The following F13A1 variants were observed in gnomAD, a reference collection of about 807,000 sequenced individuals.
F13A1 encodes FSF, A subunit.
A neutral mutation model predicts 80.1 loss-of-function variants in F13A1; 47 were observed. The ratio of observed to expected loss-of-function variants is 0.59; its 90% confidence interval spans 0.46 to 0.75. The LOEUF (loss-of-function observed/expected upper bound fraction) is 0.75. F13A1 is among the 30% of genes least tolerant of loss of function. The probability of loss-of-function intolerance (pLI) is 0.00; values close to 1 mark genes in which losing one functional copy is unlikely to be tolerated. For missense variants in F13A1, 817 were observed against 930.4 expected, an observed-to-expected ratio of 0.88 and a Z score of 1.59; for synonymous variants, 349 against 344.9, an observed-to-expected ratio of 1.01 and a Z score of -0.13.
At chr6:6,284,862 A>G (rs1000071329) in intron 3 of F13A1, among the ~76,000 whole-genome samples, 3 of 152,120 alleles carry the variant, frequency 2.0e-5, no homozygotes, top group African/African-American at 7.2e-5. Context: ...CTTCAACTCT[A>G]GCTGATCCTC....
chr6:6,198,751 T>C (rs1287719500), intron 8 of F13A1, among the ~76,000 whole-genome samples: 1 of 152,210 alleles, frequency 6.6e-6, no homozygotes, highest in African/African-American at 2.4e-5. Context: ...AGCTAATACA[T>C]GTATTTCGAA....
At chr6:6,184,114 C>T (rs1290011827) in intron 10 of F13A1, among the ~76,000 whole-genome samples, 1 of 152,166 alleles carries the variant, frequency 6.6e-6, no homozygotes, top group Admixed American at 6.5e-5. Flanking sequence ...TGTTGCATAC[C>T]TACAATGTTT....
Position 6,195,844 on chromosome 6 carries a change from G to A in F13A1, c.1258C>T (p.His420Tyr). ...CGPASVQAIK[H>Y]GHVCFQFDAP... ...TCAAATTGGAAGCAGACATGGCCGT[G>A]CTTGATGGCTTGAACCGAGGCGGGG... The change falls in exon 10 of 15, where the codon CAC (histidine) becomes TAC (tyrosine). Residue 420 changes from histidine (H) to tyrosine (Y), a missense_variant. Physicochemically the swap from His to Tyr is moderately conservative, Grantham distance 83. Coordinates refer to ENST00000264870, the MANE Select transcript of F13A1 (RefSeq NM_000129.4). 1 of 1,614,192 alleles carries A rather than the reference G, an allele frequency of 6.2e-7. No individual in the cohort carries two copies. The highest frequency in any genetic ancestry group is 8.5e-7 in the Non-Finnish European group (1 of 1,180,030).
At chr6:6,229,244 T>C (rs912766861) in intron 6 of F13A1, among the ~76,000 whole-genome samples, 1 of 152,096 alleles carries the variant, frequency 6.6e-6, no homozygotes, top group Non-Finnish European at 1.5e-5. Flanking sequence ...GGAGAGATCA[T>C]GAAAAAATAT....
At chr6:6,275,294 C>G (rs768689073) in intron 3 of F13A1, among the ~76,000 whole-genome samples, 2 of 151,820 alleles carry the variant, frequency 1.3e-5, no homozygotes, top group Non-Finnish European at 2.9e-5. Context: ...CATAGGCGAC[C>G]CCAGGTTTTG....
At chr6:6,150,149 C>T (rs3778359) in intron 14 of F13A1, among the ~76,000 whole-genome samples, 30,372 of 152,046 alleles carry the variant, frequency 0.2, 3,732 homozygotes, top group African/African-American at 0.35. Flanking sequence ...TCAGATAAAG[C>T]TTGTGGGTTT....
chr6:6,179,118 C>A (rs1216392512), intron 11 of F13A1, among the ~76,000 whole-genome samples: 1 of 152,050 alleles, frequency 6.6e-6, no homozygotes, highest in East Asian at 1.9e-4. Flanking sequence ...TGCTTAAATG[C>A]TGATTGGAAG....
chr6:6,227,501 A>G (rs1757293545), intron 6 of F13A1, among the ~76,000 whole-genome samples: 1 of 152,236 alleles, frequency 6.6e-6, no homozygotes, highest in South Asian at 2.1e-4. Flanking sequence ...TGGCTATATT[A>G]AAGATCAGTA....
chr6:6,261,582 C>A (rs897014462), intron 4 of F13A1, among the ~76,000 whole-genome samples: 1 of 83,716 alleles, frequency 1.2e-5, no homozygotes. Context: ...CTGAACAAGC[C>A]CTCCAGGTGA....
At chr6:6,206,782 G>C (rs1367289807) in intron 8 of F13A1, among the ~76,000 whole-genome samples, 1 of 151,262 alleles carries the variant, frequency 6.6e-6, no homozygotes, top group Non-Finnish European at 1.5e-5. Context: ...GTAATGTATG[G>C]GAGAAATGGA....
Position 6,145,544 on chromosome 6 carries a change from A to G in F13A1, c.*75T>C. ...TCACACCTAAGTCAAAGCAAGAGCT[A>G]TTTTTGCGTTAGAATTTCCTTAGCC... On this transcript the variant is annotated 3_prime_UTR_variant, in exon 15 of 15. Coordinates refer to ENST00000264870, the MANE Select transcript of F13A1 (RefSeq NM_000129.4). 1 of 1,597,180 alleles carries G rather than the reference A, an allele frequency of 6.3e-7. No homozygotes were observed. Among genetic ancestry groups the G allele is most frequent in the Non-Finnish European group, 8.6e-7 (1 of 1,164,924 alleles).
At chr6:6,245,385 G>C (rs1042072455) in intron 6 of F13A1, among the ~76,000 whole-genome samples, 2 of 152,084 alleles carry the variant, frequency 1.3e-5, no homozygotes, top group African/African-American at 4.8e-5. Context: ...ACCATGCCTG[G>C]CTAATTTTTT....
chr6:6,224,658 A>C (rs200842345), intron 7 of F13A1, 28 bp downstream of exon 7: 2 of 1,608,062 alleles, frequency 1.2e-6, no homozygotes, highest in Non-Finnish European at 1.7e-6. Context: ...CTTTATATTA[A>C]AAAGAAATTA....
intron 10 of F13A1, among the ~76,000 whole-genome samples, chr6:6,188,139 G>A (rs974115184): frequency 2.8e-4 from 43 of 151,888 alleles, no homozygotes; most frequent in Admixed American, 2.3e-3. Context: ...TCTTGCTTGC[G>A]GTCTATCAGT....
chr6:6,235,892 T>C (rs1306494908), intron 6 of F13A1, among the ~76,000 whole-genome samples: 2 of 152,102 alleles, frequency 1.3e-5, no homozygotes, highest in Admixed American at 1.3e-4. Flanking sequence ...GAAAATGGCC[T>C]AAATGTCCAT....
At chr6:6,200,566 A>G (rs1761375478) in intron 8 of F13A1, among the ~76,000 whole-genome samples, 1 of 151,796 alleles carries the variant, frequency 6.6e-6, no homozygotes, top group African/African-American at 2.4e-5. Context: ...AAAAAAAAAA[A>G]AGTGATCTAG....
At chr6:6,191,241 G>A (rs1282699592) in intron 10 of F13A1, among the ~76,000 whole-genome samples, 1 of 152,172 alleles carries the variant, frequency 6.6e-6, no homozygotes, top group Non-Finnish European at 1.5e-5. Context: ...AGCCATCTTG[G>A]CTCCTCCCTC....
chr6:6,205,847 A>T (rs1437558565), intron 8 of F13A1, among the ~76,000 whole-genome samples: 1 of 152,194 alleles, frequency 6.6e-6, no homozygotes, highest in East Asian at 1.9e-4. Flanking sequence ...ATTTTCAGAA[A>T]GTAGATGCCA....
chr6:6,214,387 G>A (rs985543211), intron 8 of F13A1, among the ~76,000 whole-genome samples: 7 of 148,012 alleles, frequency 4.7e-5, no homozygotes, highest in East Asian at 1.9e-4. Context: ...ACTCAAAACC[G>A]CTCAACTACG....
Sources: gnomAD v4.1 joint callset for allele counts (sites outside exome capture counted in the v4.1 genomes callset) on GRCh38, gnomAD v4.1.1 for gene constraint, MANE v1.5 for transcripts, NCBI Gene and HGNC (gene_info 2026-07-23, HGNC 2026-07-21) for gene names.